INTS4: variants seen among roughly 807,000 people sequenced by gnomAD.
INTS4 encodes the protein MSTP093.
In INTS4, 70 loss-of-function variants were observed where a neutral mutation model predicts 119.5. The observed-to-expected ratio is 0.59, with a 90% CI of 0.48 to 0.71. The LOEUF (loss-of-function observed/expected upper bound fraction) is 0.71. INTS4 is among the 30% of genes least tolerant of loss of function. INTS4 has a pLI of 0.00. For missense variants in INTS4, 867 were observed against 1,173.2 expected, an observed-to-expected ratio of 0.74 and a Z score of 3.81; for synonymous variants, 316 against 419.6, an observed-to-expected ratio of 0.75 and a Z score of 3.02.
At chr11:77,923,189 G>C (rs1189013967) in intron 12 of INTS4, among the ~76,000 whole-genome samples, 3 of 151,930 alleles carry the variant, frequency 2.0e-5, no homozygotes, top group African/African-American at 7.3e-5. Context: ...ATGGTGGCAC[G>C]GGCCTGTAGT....
chr11:77,879,592 GC>G (rs1269484673), intron 22 of INTS4, among the ~76,000 whole-genome samples: 1 of 152,228 alleles, frequency 6.6e-6, no homozygotes, highest in East Asian at 1.9e-4. Flanking sequence ...GAAGTGGTTC[GC>G]CAAAAAGTTT....
rs765361908 is a variant in INTS4 at position 77,894,318 on chromosome 11, A to T, written c.2260T>A (p.Phe754Ile). Residue 754 changes from phenylalanine to isoleucine, a missense_variant, in exon 19 of 23, where the codon TTT (phenylalanine) becomes ATT (isoleucine). Physicochemically the swap from Phe to Ile is conservative, Grantham distance 21. Around this residue, in one of 5 missense-constraint regions of INTS4, gnomAD observed 262 missense variants for 376.0 expected, o/e 0.70. Transcript: ENST00000534064. ...LDPLFGMCEK[F>I]LQEVDFFQRY... is the part of the protein sequence containing the mutation. ...TGAAAAAAGTCTACTTCCTGTAAAA[A>T]TTTTTCACACATCCCAAATAAGGGG... 1.7e-5 allele frequency: 26 copies of T among 1,564,208 alleles called. 3 individuals are homozygous for T. The South Asian group carries it at 3.0e-4, about 18-fold the overall frequency.
chr11:77,875,041 CAAA>C (rs397791397), downstream of INTS4, among the ~76,000 whole-genome samples: 1 of 120,894 alleles, frequency 8.3e-6, no homozygotes, highest in Admixed American at 8.4e-5. Context: ...GACTCCATCT[CAAA>C]AAAAAAAAAA....
At chr11:77,977,773 T>A (rs758518348) in intron 4 of INTS4, 1 of 151,664 alleles carries the variant, frequency 6.6e-6, no homozygotes, top group Non-Finnish European at 1.5e-5. Flanking sequence ...ACCCATTCAT[T>A]ATGACAACTC....
At chr11:77,993,176 C>G (rs544895013) in intron 1 of INTS4, among the ~76,000 whole-genome samples, 1 of 152,314 alleles carries the variant, frequency 6.6e-6, no homozygotes, top group South Asian at 2.1e-4. Context: ...GGAGATGAGC[C>G]AGGCATTAGC....
chr11:77,884,143 T>G (rs1282290720), intron 21 of INTS4, among the ~76,000 whole-genome samples, 191 bp from the exon 22 acceptor site: 1 of 152,160 alleles, frequency 6.6e-6, no homozygotes, highest in African/African-American at 2.4e-5. Context: ...CAGTGTTCAG[T>G]AAACATTTCC....
chr11:77,980,627 C>T (rs1466628236), intron 3 of INTS4, among the ~76,000 whole-genome samples: 2 of 152,198 alleles, frequency 1.3e-5, no homozygotes, highest in Middle Eastern at 3.2e-3. Flanking sequence ...GATCCTCCCA[C>T]CTCGACCTCC....
chr11:77,969,547 G>C (rs1855630468), intron 4 of INTS4, among the ~76,000 whole-genome samples: 1 of 152,048 alleles, frequency 6.6e-6, no homozygotes, highest in Admixed American at 6.6e-5. Context: ...ACACCTGCTA[G>C]TTCTTTTGCA....
rs1432388506 is a variant in INTS4 at position 77,920,208 on chromosome 11, CACAT to C, written c.1764+1128_1764+1131del. 2.7e-5 allele frequency among the ~76,000 whole-genome samples: 4 copies of C among 146,936 alleles called. No individual in the cohort carries two copies. In the East Asian group the frequency reaches 7.9e-4, roughly 29 times the overall value. On this transcript the variant is annotated intron_variant, in intron 14 of 22. Transcript: ENST00000534064. ...ACACATATATATACATATATATACA[CACAT>C]ATATATACACATATACATACATATA...
chr11:77,929,361 T>C (rs990013524), intron 10 of INTS4, among the ~76,000 whole-genome samples: 13 of 152,150 alleles, frequency 8.5e-5, no homozygotes, highest in African/African-American at 3.1e-4. Context: ...TCTAAGAACA[T>C]GGACTTTAGT....
intron 12 of INTS4, 34 bp downstream of exon 12, chr11:77,924,716 G>C: frequency 6.3e-7 from 1 of 1,577,618 alleles, no homozygotes; most frequent in African/African-American, 1.3e-5. Context: ...CACATTATGG[G>C]ACTCAGTGAG....
intron 18 of INTS4, 117 bp downstream of exon 18, chr11:77,901,304 A>T (rs1400521091): frequency 1.4e-5 from 15 of 1,040,490 alleles, no homozygotes; most frequent in Non-Finnish European, 2.2e-5. Flanking sequence ...CACATTCCTT[A>T]GCTAGTCTTT....
intron 15 of INTS4, chr11:77,910,975 G>A: frequency 1.6e-6 from 2 of 1,287,418 alleles, no homozygotes; most frequent in South Asian, 1.2e-5. Context: ...GAAACCTTAA[G>A]GTCTGAGTCA....
At chr11:77,909,470 T>C (rs1160253986) in intron 15 of INTS4, among the ~76,000 whole-genome samples, 1 of 152,244 alleles carries the variant, frequency 6.6e-6, no homozygotes, top group Non-Finnish European at 1.5e-5. Flanking sequence ...TATCTTCATA[T>C]GGTGGAAGTC....
At chr11:77,985,288 G>T (rs1251787788) in intron 2 of INTS4, among the ~76,000 whole-genome samples, 5 of 152,150 alleles carry the variant, frequency 3.3e-5, no homozygotes, top group African/African-American at 1.2e-4. Flanking sequence ...TTTAGAATCA[G>T]ATGCCTTCCA....
intron 22 of INTS4, among the ~76,000 whole-genome samples, chr11:77,883,610 A>G (rs1210939460): frequency 2.0e-5 from 3 of 152,130 alleles, no homozygotes; most frequent in African/African-American, 4.8e-5. Flanking sequence ...ATATCTTCCA[A>G]CAGAATCTTA....
chr11:77,888,433 T>A (rs1447215240), intron 21 of INTS4, among the ~76,000 whole-genome samples: 2 of 152,182 alleles, frequency 1.3e-5, no homozygotes, highest in Admixed American at 1.3e-4. Context: ...TCAAGATGGA[T>A]TAAAGACTTA....
intron 8 of INTS4, among the ~76,000 whole-genome samples, chr11:77,953,596 T>TC: frequency 6.6e-6 from 1 of 152,014 alleles, no homozygotes; most frequent in African/African-American, 2.4e-5. Context: ...AATTTTTTTT[T>TC]TTTTTGAGAC....
chr11:77,906,570 G>A (rs1952959641), intron 16 of INTS4, among the ~76,000 whole-genome samples: 1 of 152,224 alleles, frequency 6.6e-6, no homozygotes, highest in Non-Finnish European at 1.5e-5. Flanking sequence ...TTCTTGGAGT[G>A]ATGAAAATGT....
Sources: gnomAD v4.1 joint callset for allele counts (sites outside exome capture counted in the v4.1 genomes callset) on GRCh38, gnomAD v4.1.1 for gene constraint, gnomAD v4.1.1 regional missense constraint, MANE v1.5 for transcripts, NCBI Gene and HGNC (gene_info 2026-07-23, HGNC 2026-07-21) for gene names.